Variants in SMPD3 observed in about 807,000 individuals in gnomAD.
SMPD3 encodes sphingomyelin phosphodiesterase 3.
In SMPD3, 21 loss-of-function variants were observed where a neutral mutation model predicts 55.7. That is an observed-to-expected ratio of 0.38 (90% CI 0.27 to 0.54). The LOEUF (loss-of-function observed/expected upper bound fraction) is 0.54. SMPD3 is among the 20% of genes least tolerant of loss of function. SMPD3 has a pLI of 0.80. For synonymous variants in SMPD3, 457 were observed against 404.3 expected (o/e 1.13, Z -1.56); for missense variants, 842 against 899.6 (o/e 0.94, Z 0.82).
chr16:68,417,752 G>A (rs941840445), intron 1 of SMPD3, among the ~76,000 whole-genome samples: 3 of 152,142 alleles, frequency 2.0e-5, no homozygotes, highest in South Asian at 4.1e-4. Context: ...TCTTTGTGTC[G>A]TTTTGCTATA....
Position 68,388,444 on chromosome 16 carries a change from A to G in SMPD3, c.-268-1785T>C, listed in dbSNP as rs532340705. 3.9e-4 allele frequency among the ~76,000 whole-genome samples: 59 copies of G among 152,284 alleles called. No individual in the cohort carries two copies. The South Asian group carries it at 0.012, about 30-fold the overall frequency. Reference sequence around the variant, plus strand: ...TGACCCAGGCCACAGGCTCACAAGCATCTGGCATTAGACATAAAGGAGGCA... The same window carrying G: ...TGACCCAGGCCACAGGCTCACAAGCGTCTGGCATTAGACATAAAGGAGGCA... On this transcript the variant is annotated intron_variant, in intron 1 of 8. Transcript: ENST00000219334.
chr16:68,434,388 A>G (rs1266782087), intron 1 of SMPD3, among the ~76,000 whole-genome samples: 1 of 152,214 alleles, frequency 6.6e-6, no homozygotes, highest in Non-Finnish European at 1.5e-5. Context: ...AATTGCTCCT[A>G]TGAATATAAA....
intron 2 of SMPD3, among the ~76,000 whole-genome samples, chr16:68,375,361 G>A (rs150689570): frequency 1.5e-3 from 223 of 152,290 alleles, no homozygotes; most frequent in African/African-American, 5.1e-3. Context: ...GAGCCCTGGC[G>A]TGAGGACACT....
At chr16:68,431,837 A>T (rs2090482222) in intron 1 of SMPD3, among the ~76,000 whole-genome samples, 1 of 152,176 alleles carries the variant, frequency 6.6e-6, no homozygotes, top group African/African-American at 2.4e-5. Flanking sequence ...CAGGAGAATG[A>T]CTTGAACCCG....
In SMPD3 at chr16:68,372,259, G is replaced by A. The variant is rs1057170784; in HGVS notation, c.-78C>T. The A allele has an allele frequency of 3.9e-6, 6 of 1,549,466 alleles. No individual in the cohort carries two copies. In the African/African-American group the frequency reaches 6.8e-5, roughly 17 times the overall value. ...TGCGGGCACTTTCCTGGGCGAGGGT[G>A]GGCGAGTTGGGGGCAGCTGGAGGAG... On this transcript the variant is annotated 5_prime_UTR_variant, in exon 3 of 9. Coordinates refer to ENST00000219334, the MANE Select transcript of SMPD3 (RefSeq NM_018667.4).
chr16:68,428,272 G>A (rs890049784), intron 1 of SMPD3, among the ~76,000 whole-genome samples: 1 of 152,226 alleles, frequency 6.6e-6, no homozygotes, highest in African/African-American at 2.4e-5. Flanking sequence ...AGGAAGCAGA[G>A]GGCAATAAAC....
At chr16:68,363,912 G>A in intron 5 of SMPD3, 46 bp from the exon 6 acceptor site, 1 of 1,497,954 alleles carries the variant, frequency 6.7e-7, no homozygotes, top group Non-Finnish European at 9.1e-7. Flanking sequence ...GGGCTTTGCT[G>A]TCCCACACGG....
intron 2 of SMPD3, among the ~76,000 whole-genome samples, chr16:68,384,662 C>A (rs1352355523): frequency 6.6e-6 from 1 of 152,160 alleles, no homozygotes; most frequent in African/African-American, 2.4e-5. Context: ...GGTGCTCCCC[C>A]ACCATCCCAA....
intron 1 of SMPD3, among the ~76,000 whole-genome samples, chr16:68,410,968 G>T (rs1283555131): frequency 6.6e-6 from 1 of 152,256 alleles, no homozygotes; most frequent in Non-Finnish European, 1.5e-5. Context: ...AGTGAGTTCT[G>T]CCTAAGCAGG....
Position 68,361,039 on chromosome 16 carries a change from C to G in SMPD3, c.*167G>C. 1.6e-6 allele frequency: 1 copy of G among 634,320 alleles called. No individual in the cohort carries two copies. The highest frequency in any genetic ancestry group is 2.0e-5 in the South Asian group (1 of 50,778). The allele number at this position is 634,320 out of a possible 1,614,324, so 39.3% of individuals were successfully genotyped here. On this transcript the variant is annotated 3_prime_UTR_variant, in exon 9 of 9. Coordinates refer to ENST00000219334, the MANE Select transcript of SMPD3 (RefSeq NM_018667.4). Reference sequence around the variant, plus strand: ...CCTGACTCCTCTGTCCACAGTGAGGCCCAGAGGCGCAGAGCAGCGCAGCTT... The same window carrying G: ...CCTGACTCCTCTGTCCACAGTGAGGGCCAGAGGCGCAGAGCAGCGCAGCTT...
rs200027167 is a variant in SMPD3 at position 68,363,485 on chromosome 16, G to A, written c.1709+11C>T. ...TGTGCCTCGTCCCTGGCCTGGGAGC[G>A]CAGTGCTTACTTCTGCAGGTTGTCG... On this transcript the variant is annotated intron_variant, in intron 7 of 8. Coordinates refer to ENST00000219334, the MANE Select transcript of SMPD3 (RefSeq NM_018667.4). 157 of 1,613,982 alleles carry A rather than the reference G, an allele frequency of 9.7e-5. No individual in the cohort carries two copies. Among genetic ancestry groups the A allele is most frequent in the Middle Eastern group, 1.7e-4 (1 of 6,046 alleles).
rs146817201 is a variant in SMPD3 at position 68,362,992 on chromosome 16, A to G, written c.1709+504T>C. Among the ~76,000 whole-genome samples, 1,491 of 152,326 alleles carry G rather than the reference A, an allele frequency of 9.8e-3. 10 individuals carry two copies. Among genetic ancestry groups the G allele is most frequent in the Non-Finnish European group, 0.015 (1,041 of 68,034 alleles). On this transcript the variant is annotated intron_variant, in intron 7 of 8. Coordinates refer to ENST00000219334, the MANE Select transcript of SMPD3 (RefSeq NM_018667.4). ...TGTTGGCCTCTCAGATGTGTTCTTT[A>G]TGGACATCTTACTGGGCTCAAGAAT...
intron 1 of SMPD3, among the ~76,000 whole-genome samples, chr16:68,444,524 AT>A (rs11291355): frequency 0.75 from 113,901 of 151,984 alleles, 43,217 homozygotes; most frequent in East Asian, 0.88. Flanking sequence ...AACTCCAAGA[AT>A]TTTTTTTGAG....
At position 68,372,371 on chromosome 16, in the gene SMPD3, G is replaced by A. The variant is rs942841620; in HGVS notation, c.-190C>T. The A allele has an allele frequency of 1.6e-4, 116 of 706,576 alleles. No homozygotes were observed. Among genetic ancestry groups the A allele is most frequent in the Admixed American group, 1.3e-4 (5 of 38,188 alleles). The allele number at this position is 706,576 out of a possible 1,614,324, so 43.8% of individuals were successfully genotyped here. ...ATGGTTCACCTCGGTGGGCCATGCG[G>A]AGGCCTACTGCAGACCCTGCAGAGA... On this transcript the variant is annotated 5_prime_UTR_variant, in exon 3 of 9. Coordinates refer to ENST00000219334, the MANE Select transcript of SMPD3 (RefSeq NM_018667.4).
At chr16:68,397,500 C>T (rs150959978) in intron 1 of SMPD3, among the ~76,000 whole-genome samples, 180 of 152,308 alleles carry the variant, frequency 1.2e-3, no homozygotes, top group African/African-American at 3.9e-3. Context: ...TTCAGCCTTG[C>T]GCCCTCCATT....
Position 68,412,759 on chromosome 16 carries a change from TA to T in SMPD3, c.-268-26101del, listed in dbSNP as rs2090311782. Among the ~76,000 whole-genome samples, 7 of 152,358 alleles carry T rather than the reference TA, an allele frequency of 4.6e-5. No homozygotes were observed. The South Asian group carries it at 1.4e-3, about 32-fold the overall frequency. The stretch of plus-strand genomic sequence containing the variant: ...ACATTCTGTGATTCCCATATTTTCA[TA>T]ATGAGGCTCCCCAAGTTATCAAGAC... On this transcript the variant is annotated intron_variant, in intron 1 of 8. Transcript: ENST00000219334.
intron 1 of SMPD3, among the ~76,000 whole-genome samples, chr16:68,398,630 T>C (rs1054486733): frequency 1.3e-5 from 2 of 152,206 alleles, no homozygotes; most frequent in Admixed American, 1.3e-4. Flanking sequence ...AACACAAAAT[T>C]ATCCCATAAA....
chr16:68,365,508 C>A (rs1247995149), intron 3 of SMPD3, among the ~76,000 whole-genome samples: 1 of 148,736 alleles, frequency 6.7e-6, no homozygotes, highest in East Asian at 2.0e-4. Flanking sequence ...GGTGCTTTCT[C>A]CCCCTGAAAT....
Position 68,392,835 on chromosome 16 carries a change from GA to G in SMPD3, c.-268-6177del, listed in dbSNP as rs60841057. Among the ~76,000 whole-genome samples, 720 of 88,264 alleles carry G rather than the reference GA, an allele frequency of 8.2e-3. 18 individuals carry two copies. Among genetic ancestry groups the G allele is most frequent in the Non-Finnish European group, 8.1e-3 (408 of 50,566 alleles). The allele number at this position is 88,264 out of a possible 152,430, so 57.9% of individuals were successfully genotyped here. ...CGTGACAGAATGAGACGCTGTCTGG[GA>G]AAAAAAAAAAAAAAAAAAAGATGCC... On this transcript the variant is annotated intron_variant, in intron 1 of 8. Transcript: ENST00000219334.
Sources: allele counts gnomAD v4.1 joint callset (sites outside exome capture counted in the v4.1 genomes callset), GRCh38; gene constraint gnomAD v4.1.1; transcripts MANE v1.5; gene names NCBI Gene and HGNC (gene_info 2026-07-23, HGNC 2026-07-21).